The following FAM76A variants were observed in gnomAD, a reference collection of about 807,000 sequenced individuals.
FAM76A encodes family with sequence similarity 76 member A.
FAM76A carries 32 observed loss-of-function variants against 46.2 expected under a neutral mutation model. The observed-to-expected ratio is 0.69, with a 90% CI of 0.52 to 0.93. FAM76A has a LOEUF of 0.93. Among genes scored for constraint, FAM76A ranks in the 40% least tolerant of loss-of-function variants. The pLI, the probability that FAM76A is intolerant of heterozygous loss-of-function variation, is 0.00. For missense variants in FAM76A, 274 were observed against 361.5 expected (o/e 0.76, Z 1.96); for synonymous variants, 137 against 127.0 (o/e 1.08, Z -0.53).
intron 4 of FAM76A, among the ~76,000 whole-genome samples, chr1:27,734,529 A>G (rs2088013338): frequency 6.6e-6 from 1 of 152,234 alleles, no homozygotes; most frequent in Non-Finnish European, 1.5e-5. Flanking sequence ...CCTGAGTGAC[A>G]GAGCAAGACT....
rs1048763720 is a variant in FAM76A, at chr1:27,739,308, A to G, written c.354+5125A>G. 5.7e-6 allele frequency: 3 copies of G among 527,194 alleles called. No homozygotes were observed. In the African/African-American group the frequency reaches 5.8e-5, roughly 10 times the overall value. The allele number at this position is 527,194 out of a possible 1,614,324, so 32.7% of individuals were successfully genotyped here. A position where few individuals can be genotyped will look rare whatever the true frequency, so the allele number is the denominator to read the frequency against. On this transcript the variant is annotated intron_variant, in intron 4 of 8. Transcript: ENST00000373954. ...AGAAAAGCCTTATTGGAAAGATCCA[A>G]ATAATGACTTCAGAAAAAACTTGGA...
At chr1:27,754,902 A>G (rs531138093) in intron 6 of FAM76A, among the ~76,000 whole-genome samples, 1 of 152,358 alleles carries the variant, frequency 6.6e-6, no homozygotes, top group South Asian at 2.1e-4. Context: ...AACCTGAAAC[A>G]GTATCCTTAG....
intron 7 of FAM76A, 119 bp downstream of exon 7, chr1:27,755,449 T>G: frequency 7.7e-7 from 1 of 1,305,466 alleles, no homozygotes; most frequent in Non-Finnish European, 1.1e-6. Flanking sequence ...AAGGTTGGGA[T>G]ATCCTGGGGA....
At chr1:27,739,956 GGCTTTA>G (rs2088124004) in intron 4 of FAM76A, 1 of 266,768 alleles carries the variant, frequency 3.7e-6, no homozygotes, top group Non-Finnish European at 7.4e-6. Context: ...CCAGTGCTAT[GGCTTTA>G]GGCTGCAAGA....
intron 4 of FAM76A, 67 bp downstream of exon 4, chr1:27,734,250 A>T: frequency 6.7e-7 from 1 of 1,502,828 alleles, no homozygotes; most frequent in Non-Finnish European, 8.9e-7. Flanking sequence ...TAACTGTGTT[A>T]AAAACACATT....
At chr1:27,727,208 C>T (rs2087875509) in intron 1 of FAM76A, among the ~76,000 whole-genome samples, 1 of 152,128 alleles carries the variant, frequency 6.6e-6, no homozygotes, top group African/African-American at 2.4e-5. Context: ...CTTCTGATTC[C>T]CAGTCTGGGA....
chr1:27,739,186 A>G, intron 4 of FAM76A: 1 of 414,394 alleles, frequency 2.4e-6, no homozygotes, highest in East Asian at 6.4e-5. Context: ...AGTTCTAAGG[A>G]TGCTGGAGGA....
At chr1:27,754,210 A>C (rs1252167069) in intron 6 of FAM76A, among the ~76,000 whole-genome samples, 1 of 150,712 alleles carries the variant, frequency 6.6e-6, no homozygotes, top group African/African-American at 2.4e-5. Context: ...AGGTTCAAGC[A>C]ATTGTCCTGT....
At chr1:27,726,308 GCCGGCGGGGCACGTGCGGGAGCCGGGAC>G in intron 1 of FAM76A, 147 bp downstream of exon 1, 1 of 673,694 alleles carries the variant, frequency 1.5e-6, no homozygotes. Context: ...CCCGCTGGGG[GCCGGCGGGGCACGTGCGGGAGCCGGGAC>G]CCGGTCCAGG....
At chr1:27,755,707 T>C (rs1025437967) in intron 7 of FAM76A, among the ~76,000 whole-genome samples, 7 of 152,176 alleles carry the variant, frequency 4.6e-5, no homozygotes, top group Non-Finnish European at 7.4e-5. Flanking sequence ...CTTAGTAGCT[T>C]GGACTACAGG....
chr1:27,758,686 T>G lies in FAM76A; in HGVS notation c.736-840T>G, dbSNP rs910285890. 6.7e-5 allele frequency among the ~76,000 whole-genome samples: 10 copies of G among 150,076 alleles called. No individual in the cohort carries two copies. The East Asian group carries it at 1.6e-3, about 23-fold the overall frequency. On this transcript the variant is annotated intron_variant, in intron 7 of 8. Coordinates refer to ENST00000373954, the MANE Select transcript of FAM76A (RefSeq NM_152660.3). The stretch of plus-strand genomic sequence containing the variant: ...CCAGCTATTTTAATTTTCGTTTTTT[T>G]TTTTTTTTTTTTTGTAGACATGGGG...
Position 27,762,907 on chromosome 1 carries a change from T to G in FAM76A, c.*2326T>G, listed in dbSNP as rs1292137542. The G allele has an allele frequency of 6.6e-6, 1 of 152,156 alleles. No individual in the cohort carries two copies. Among genetic ancestry groups the G allele is most frequent in the Non-Finnish European group, 1.5e-5 (1 of 68,036 alleles). The allele number at this position is 152,156 out of a possible 1,614,324, so 9.4% of individuals were successfully genotyped here. A position where few individuals can be genotyped will look rare whatever the true frequency, so the allele number is the denominator to read the frequency against. On this transcript the variant is annotated 3_prime_UTR_variant, in exon 9 of 9. Coordinates refer to ENST00000373954, the MANE Select transcript of FAM76A (RefSeq NM_152660.3). Reference sequence around the variant, plus strand: ...CACACGTTTTCTAACTTTCCATAAGTTCCAAAAAGGGAAAGAAGAAACCTC... The same window carrying G: ...CACACGTTTTCTAACTTTCCATAAGGTCCAAAAAGGGAAAGAAGAAACCTC...
chr1:27,754,099 C>CTTTTTTTTTTTTT (rs869275641), intron 6 of FAM76A, among the ~76,000 whole-genome samples: 1 of 87,522 alleles, frequency 1.1e-5, no homozygotes, highest in Non-Finnish European at 2.2e-5. Context: ...ACTATCCCTT[C>CTTTTTTTTTTTTT]TTTTTTTTTT....
chr1:27,750,359 A>AT (rs2088311990), intron 6 of FAM76A, among the ~76,000 whole-genome samples: 1 of 152,178 alleles, frequency 6.6e-6, no homozygotes, highest in Non-Finnish European at 1.5e-5. Flanking sequence ...AGGTAGTCAG[A>AT]TTACATGGGG....
At position 27,762,456 on chromosome 1, in the gene FAM76A, G is replaced by A. The variant is rs945544854; in HGVS notation, c.*1875G>A. ...ATAGTACTAAATTTAACTTCTAGGC[G>A]TTTCCTGGAAGCAGATGCTCTATAA... On this transcript the variant is annotated 3_prime_UTR_variant, in exon 9 of 9. Transcript: ENST00000373954. 6.6e-5 allele frequency: 10 copies of A among 152,140 alleles called. No homozygotes were observed. The highest frequency in any genetic ancestry group is 4.1e-4 in the South Asian group (2 of 4,832). 9.4% of individuals were successfully genotyped at this position (152,140 alleles called of 1,614,324 possible).
chr1:27,726,193 G>A, intron 1 of FAM76A, 32 bp downstream of exon 1: 1 of 1,263,276 alleles, frequency 7.9e-7, no homozygotes, highest in Non-Finnish European at 1.0e-6. Flanking sequence ...CCGGGAACTG[G>A]GGACGCAGGA....
chr1:27,744,442 A>G (rs1217163947), intron 4 of FAM76A, among the ~76,000 whole-genome samples: 1 of 152,158 alleles, frequency 6.6e-6, no homozygotes, highest in Non-Finnish European at 1.5e-5. Flanking sequence ...GCTGAAATTT[A>G]TTAAGCAACT....
intron 7 of FAM76A, 122 bp from the exon 8 acceptor site, chr1:27,759,404 A>T: frequency 1.7e-6 from 1 of 578,602 alleles, no homozygotes; most frequent in Non-Finnish European, 3.1e-6. Flanking sequence ...GTTTTGATTT[A>T]GATACGGATC....
At chr1:27,735,727 G>A (rs927266595) in intron 4 of FAM76A, among the ~76,000 whole-genome samples, 10 of 152,112 alleles carry the variant, frequency 6.6e-5, no homozygotes, top group African/African-American at 2.2e-4. Context: ...CTACTTACCC[G>A]CATTATGCAT....
Sources: allele counts gnomAD v4.1 joint callset (sites outside exome capture counted in the v4.1 genomes callset), GRCh38; gene constraint gnomAD v4.1.1; transcripts MANE v1.5; gene names NCBI Gene and HGNC (gene_info 2026-07-23, HGNC 2026-07-21).